TRMT10B: variants seen among roughly 807,000 people sequenced by gnomAD.
TRMT10B encodes the protein tRNA methyltransferase 10B.
In TRMT10B, 33 loss-of-function variants were observed where a neutral mutation model predicts 43.8. That is an observed-to-expected ratio of 0.75 (90% confidence interval 0.57 to 1.01). The LOEUF is 1.01. TRMT10B is among the 50% of genes least tolerant of loss of function. The pLI, the probability that TRMT10B is intolerant of heterozygous loss-of-function variation, is 0.00. For synonymous variants in TRMT10B, 137 were observed against 130.6 expected (o/e 1.05, Z -0.34); for missense variants, 362 against 369.8 (o/e 0.98, Z 0.17).
At chr9:37,771,884 T>TC (rs1827623168) in intron 7 of TRMT10B, among the ~76,000 whole-genome samples, 1 of 151,864 alleles carries the variant, frequency 6.6e-6, no homozygotes, top group African/African-American at 2.4e-5. Context: ...ATGTTTTTTT[T>TC]TTTTCTTTTG....
At chr9:37,759,892 T>C (rs1357644917) in intron 1 of TRMT10B, among the ~76,000 whole-genome samples, 1 of 152,216 alleles carries the variant, frequency 6.6e-6, no homozygotes, top group Non-Finnish European at 1.5e-5. Flanking sequence ...AACCTATACA[T>C]TTGTTAAAGC....
At chr9:37,776,180 C>T (rs936495615) in intron 7 of TRMT10B, 102 bp from the exon 8 acceptor site, 6 of 1,026,614 alleles carry the variant, frequency 5.8e-6, no homozygotes, top group Non-Finnish European at 7.9e-6. Flanking sequence ...TCTGCAGTTT[C>T]TTCCATTCCA....
intron 1 of TRMT10B, among the ~76,000 whole-genome samples, chr9:37,756,864 A>G (rs760524793): frequency 6.6e-6 from 1 of 151,970 alleles, no homozygotes; most frequent in African/African-American, 2.4e-5. Context: ...ACACACACAC[A>G]TATACATACA....
chr9:37,755,226 G>A (rs1403001217), intron 1 of TRMT10B, among the ~76,000 whole-genome samples: 1 of 150,654 alleles, frequency 6.6e-6, no homozygotes, highest in Non-Finnish European at 1.5e-5. Context: ...AGTCGAGATC[G>A]CGCCACTGCA....
At chr9:37,763,886 T>C (rs1305577847) in intron 4 of TRMT10B, 133 bp downstream of exon 4, 2 of 1,545,172 alleles carry the variant, frequency 1.3e-6, no homozygotes, top group African/African-American at 1.4e-5. Flanking sequence ...TGATTTTCTA[T>C]ACTGGGTTAC....
At chr9:37,763,159 A>AACAAAAAC (rs1826585310) in intron 3 of TRMT10B, among the ~76,000 whole-genome samples, 1 of 143,012 alleles carries the variant, frequency 7.0e-6, no homozygotes, top group Non-Finnish European at 1.5e-5. Context: ...AAAAAAAAAA[A>AACAAAAAC]AAAAAACAAA....
chr9:37,757,967 C>T (rs578010890), intron 1 of TRMT10B, among the ~76,000 whole-genome samples: 1 of 152,070 alleles, frequency 6.6e-6, no homozygotes, highest in Non-Finnish European at 1.5e-5. Context: ...AAGTTTGGCC[C>T]AATTTTGAGC....
chr9:37,777,948 T>A lies in TRMT10B; in HGVS notation c.*241T>A. 1 of 360,916 alleles carries A rather than the reference T, an allele frequency of 2.8e-6. No individual in the cohort carries two copies. The highest frequency in any genetic ancestry group is 6.4e-5 in the East Asian group (1 of 15,674). 22.4% of individuals were successfully genotyped at this position (360,916 alleles called of 1,614,324 possible). A position where few individuals can be genotyped will look rare whatever the true frequency, so the allele number is the denominator to read the frequency against. On this transcript the variant is annotated 3_prime_UTR_variant, in exon 9 of 9. Coordinates refer to ENST00000297994, the MANE Select transcript of TRMT10B (RefSeq NM_144964.4). ...TGAACTCGGGAGGCGAAGGTTGCAGTGAGCCGAGATTTCACCAGTGCACTC... is the reference window on the plus strand; with the variant it reads ...TGAACTCGGGAGGCGAAGGTTGCAGAGAGCCGAGATTTCACCAGTGCACTC...
chr9:37,753,659 C>T (rs752264805), upstream of TRMT10B: 1 of 152,312 alleles, frequency 6.6e-6, no homozygotes, highest in African/African-American at 2.4e-5. Context: ...CACAGCAGGA[C>T]GCAGCTCCCT....
intron 1 of TRMT10B, among the ~76,000 whole-genome samples, chr9:37,759,532 G>C (rs551353807): frequency 4.6e-4 from 70 of 152,344 alleles, no homozygotes; most frequent in African/African-American, 1.6e-3. Flanking sequence ...TTTCTGGGGA[G>C]TGAGGCTGGG....
At chr9:37,774,471 T>C (rs979967687) in intron 7 of TRMT10B, among the ~76,000 whole-genome samples, 1 of 152,234 alleles carries the variant, frequency 6.6e-6, no homozygotes, top group African/African-American at 2.4e-5. Context: ...TTTGGCTTCT[T>C]CACAGAAATA....
intron 1 of TRMT10B, among the ~76,000 whole-genome samples, chr9:37,756,815 CAT>C (rs759329960): frequency 1.7e-4 from 23 of 135,850 alleles, no homozygotes; most frequent in African/African-American, 3.2e-4. Context: ...TATATGTGTG[CAT>C]ATGTGTGTAT....
intron 4 of TRMT10B, among the ~76,000 whole-genome samples, chr9:37,765,282 T>C (rs933323576): frequency 1.3e-5 from 2 of 152,108 alleles, no homozygotes; most frequent in Non-Finnish European, 2.9e-5. Context: ...TGGTGTGTGA[T>C]GTTCCCCTTC....
intron 3 of TRMT10B, 39 bp downstream of exon 3, chr9:37,762,724 T>C (rs1353793614): frequency 2.0e-6 from 3 of 1,530,978 alleles, no homozygotes; most frequent in Non-Finnish European, 2.6e-6. Context: ...TAATATTTAT[T>C]TTTTAGCAAA....
intron 7 of TRMT10B, among the ~76,000 whole-genome samples, chr9:37,772,324 AT>A (rs200481250): frequency 1.5e-4 from 22 of 148,404 alleles, no homozygotes; most frequent in African/African-American, 4.2e-4. Flanking sequence ...TAGTTCTTAA[AT>A]TTTTTTTTTA....
intron 7 of TRMT10B, among the ~76,000 whole-genome samples, chr9:37,772,386 G>C (rs1006975241): frequency 1.3e-5 from 2 of 151,410 alleles, no homozygotes; most frequent in Admixed American, 1.3e-4. Context: ...TTCTGGACTC[G>C]AGCAATCCTC....
intron 7 of TRMT10B, among the ~76,000 whole-genome samples, chr9:37,775,987 C>T (rs1009581017): frequency 1.1e-4 from 17 of 152,226 alleles, no homozygotes; most frequent in African/African-American, 4.1e-4. Flanking sequence ...TGAGTTAGGG[C>T]TCAGAATGTG....
intron 8 of TRMT10B, among the ~76,000 whole-genome samples, chr9:37,777,238 C>T (rs1176441193): frequency 7.5e-6 from 1 of 133,322 alleles, no homozygotes; most frequent in African/African-American, 3.0e-5. Context: ...AAAAATTGTC[C>T]CCTTCATCTA....
At chr9:37,771,344 C>T (rs1049994307) in intron 7 of TRMT10B, among the ~76,000 whole-genome samples, 1 of 152,138 alleles carries the variant, frequency 6.6e-6, no homozygotes, top group African/African-American at 2.4e-5. Flanking sequence ...TCTCCCAATT[C>T]CCCTCCCCTG....
Sources: gnomAD v4.1 joint callset for allele counts (sites outside exome capture counted in the v4.1 genomes callset) on GRCh38, gnomAD v4.1.1 for gene constraint, MANE v1.5 for transcripts, NCBI Gene and HGNC (gene_info 2026-07-23, HGNC 2026-07-21) for gene names.